RAP1GAP2: variants seen among roughly 807,000 people sequenced by gnomAD.
The protein encoded by RAP1GAP2 is rap1 GTPase-activating protein 2.
RAP1GAP2 carries 27 observed loss-of-function variants against 95.0 expected under a neutral mutation model. The ratio of observed to expected loss-of-function variants is 0.28; its 90% CI spans 0.21 to 0.39. The LOEUF is 0.39. RAP1GAP2 is among the 10% of genes least tolerant of loss of function. The pLI is 1.00. For missense variants in RAP1GAP2, 771 were observed against 970.0 expected, an observed-to-expected ratio of 0.79 and a Z score of 2.72; for synonymous variants, 373 against 380.9, an observed-to-expected ratio of 0.98 and a Z score of 0.24.
intron 17 of RAP1GAP2, among the ~76,000 whole-genome samples, chr17:3,012,807 TTA>T (rs2151626267): frequency 6.6e-6 from 1 of 152,198 alleles, no homozygotes; most frequent in Non-Finnish European, 1.5e-5. Flanking sequence ...GAGCTGTACG[TTA>T]TGTTTGAACG....
intron 3 of RAP1GAP2, among the ~76,000 whole-genome samples, chr17:2,952,715 C>T (rs2043961156): frequency 6.6e-6 from 1 of 152,122 alleles, no homozygotes; most frequent in Non-Finnish European, 1.5e-5. Context: ...TAATTTCTTT[C>T]ATAACTAGAG....
intron 10 of RAP1GAP2, among the ~76,000 whole-genome samples, 177 bp downstream of exon 10, chr17:2,981,425 C>G (rs576903611): frequency 4.6e-5 from 7 of 152,180 alleles, no homozygotes; most frequent in African/African-American, 1.4e-4. Flanking sequence ...ACTGGGAACC[C>G]AACCTCAGCC....
chr17:2,901,990 C>T (rs138184530), intron 2 of RAP1GAP2, among the ~76,000 whole-genome samples: 147 of 152,246 alleles, frequency 9.7e-4, no homozygotes, highest in African/African-American at 3.2e-3. Flanking sequence ...GGCTTAAAGC[C>T]GCAGACATTT....
rs1025623677 is a variant in RAP1GAP2 at position 2,945,233 on chromosome 17, A to G, written c.166-12526A>G. ...TTTTCTGATTGTTTATTGATTGTTT[A>G]TTTTAATTTATTATTTTTATTATTT... On this transcript the variant is annotated intron_variant, in intron 3 of 24. Coordinates refer to ENST00000254695, the MANE Select transcript of RAP1GAP2 (RefSeq NM_015085.5). 4.6e-5 allele frequency among the ~76,000 whole-genome samples: 7 copies of G among 152,130 alleles called. No homozygotes were observed. In the South Asian group the frequency reaches 1.0e-3, roughly 23 times the overall value.
intron 3 of RAP1GAP2, among the ~76,000 whole-genome samples, chr17:2,934,468 A>G (rs1027095174): frequency 1.3e-5 from 2 of 152,240 alleles, no homozygotes; most frequent in East Asian, 1.9e-4. Flanking sequence ...TGGTTCTTGC[A>G]GAAAAGAAGA....
Position 2,785,402 on chromosome 17 carries a change from A to G in RAP1GAP2, c.-14+8124A>G, listed in dbSNP as rs1164995120. 1.2e-4 allele frequency among the ~76,000 whole-genome samples: 11 copies of G among 93,182 alleles called. No homozygotes were observed. In the East Asian group the frequency reaches 4.9e-3, roughly 42 times the overall value. 61.1% of individuals were successfully genotyped at this position (93,182 alleles called of 152,430 possible). A position where few individuals can be genotyped will look rare whatever the true frequency, so the allele number is the denominator to read the frequency against. ...GAGGAGAGAAAAAGCAAAAAGTTGG[A>G]AAAAAAAAAAAAGTAAGATAAATAG... On this transcript the variant is annotated intron_variant, in intron 1 of 24. Transcript: ENST00000540393.
chr17:2,883,981 G>C (rs910937560), intron 2 of RAP1GAP2, among the ~76,000 whole-genome samples: 6 of 152,224 alleles, frequency 3.9e-5, no homozygotes, highest in Admixed American at 2.6e-4. Flanking sequence ...CCACGTCAGT[G>C]TGAACTGTGG....
chr17:2,900,520 C>T (rs1225089593), intron 2 of RAP1GAP2, among the ~76,000 whole-genome samples: 1 of 151,872 alleles, frequency 6.6e-6, no homozygotes, highest in African/African-American at 2.4e-5. Flanking sequence ...CGGCTCACTG[C>T]AACCTCCCCC....
chr17:2,966,487 G>C (rs1469516087), intron 8 of RAP1GAP2, among the ~76,000 whole-genome samples: 1 of 152,170 alleles, frequency 6.6e-6, no homozygotes, highest in Non-Finnish European at 1.5e-5. Flanking sequence ...GATTCATAAA[G>C]GTATTTGGAA....
intron 17 of RAP1GAP2, among the ~76,000 whole-genome samples, chr17:3,010,697 G>A (rs1410111784): frequency 6.6e-6 from 1 of 152,180 alleles, no homozygotes; most frequent in Non-Finnish European, 1.5e-5. Flanking sequence ...GGGCTTACAA[G>A]AGAGGAAACA....
chr17:3,010,170 T>A (rs1047384465), intron 17 of RAP1GAP2, among the ~76,000 whole-genome samples: 2 of 151,692 alleles, frequency 1.3e-5, no homozygotes, highest in Non-Finnish European at 2.9e-5. Context: ...TGAAACCTCG[T>A]CTCCACTAAA....
intron 24 of RAP1GAP2, 94 bp downstream of exon 24, chr17:3,032,543 G>A (rs1164349838): frequency 1.4e-5 from 18 of 1,245,838 alleles, no homozygotes; most frequent in African/African-American, 5.9e-5. Flanking sequence ...CAGAATGGCC[G>A]GAGAGATGCC....
At chr17:2,989,106 CCAAA>C (rs1239563106) in intron 11 of RAP1GAP2, among the ~76,000 whole-genome samples, 9 of 151,674 alleles carry the variant, frequency 5.9e-5, no homozygotes, top group Admixed American at 1.3e-4. Context: ...AAAAAAACTG[CCAAA>C]CAGTTTTCTA....
intron 1 of RAP1GAP2, among the ~76,000 whole-genome samples, chr17:2,756,600 C>T (rs2071151786): frequency 6.6e-6 from 1 of 152,174 alleles, no homozygotes; most frequent in Non-Finnish European, 1.5e-5. Flanking sequence ...CTCCAAGATT[C>T]AAAAGAGAAT....
intron 17 of RAP1GAP2, among the ~76,000 whole-genome samples, chr17:3,013,895 A>G (rs762683923): frequency 1.1e-4 from 16 of 152,174 alleles, no homozygotes; most frequent in Non-Finnish European, 1.0e-4. Context: ...TAGAGATTCA[A>G]TAGATCTTGT....
chr17:2,775,923 C>T (rs1008227417), upstream of RAP1GAP2, among the ~76,000 whole-genome samples: 1 of 152,170 alleles, frequency 6.6e-6, no homozygotes, highest in Non-Finnish European at 1.5e-5. Context: ...TCATGCCTGT[C>T]ATCTCAGCAC....
chr17:2,764,301 G>A (rs184522310), intron 1 of RAP1GAP2, among the ~76,000 whole-genome samples: 25 of 151,234 alleles, frequency 1.7e-4, no homozygotes, highest in African/African-American at 5.6e-4. Flanking sequence ...GCATGGTGGC[G>A]GGCGCCTGTA....
intron 17 of RAP1GAP2, among the ~76,000 whole-genome samples, chr17:3,014,270 CA>C (rs1383286659): frequency 6.6e-6 from 1 of 152,216 alleles, no homozygotes; most frequent in Non-Finnish European, 1.5e-5. Context: ...TGCCAGGTTA[CA>C]AAGCTGTGCA....
At chr17:2,971,773 T>C (rs1167498588) in intron 8 of RAP1GAP2, among the ~76,000 whole-genome samples, 1 of 152,110 alleles carries the variant, frequency 6.6e-6, no homozygotes, top group Non-Finnish European at 1.5e-5. Context: ...ATGGTGGCTA[T>C]TATTATTATC....
Sources: gnomAD v4.1 joint callset for allele counts (sites outside exome capture counted in the v4.1 genomes callset) on GRCh38, gnomAD v4.1.1 for gene constraint, MANE v1.5 for transcripts, NCBI Gene and HGNC (gene_info 2026-07-23, HGNC 2026-07-21) for gene names.